CFI: variants seen among roughly 807,000 people sequenced by gnomAD.
The protein encoded by CFI is C3B/C4B inactivator.
A neutral mutation model predicts 78.8 loss-of-function variants in CFI; 66 were observed. The ratio of observed to expected loss-of-function variants is 0.84; its 90% confidence interval spans 0.69 to 1.03. The LOEUF is 1.03. Among genes scored for constraint, CFI ranks in the 50% least tolerant of loss-of-function variants. The pLI is 0.00. For synonymous variants in CFI, 250 were observed against 232.6 expected, an observed-to-expected ratio of 1.07 and a Z score of -0.68; for missense variants, 706 against 704.5, an observed-to-expected ratio of 1.00 and a Z score of -0.02.
At chr4:109,764,085 AAAACTAT>A (rs1727417395) in intron 3 of CFI, among the ~76,000 whole-genome samples, 1 of 149,886 alleles carries the variant, frequency 6.7e-6, no homozygotes, top group South Asian at 2.1e-4. Flanking sequence ...ACTATACTAT[AAAACTAT>A]AAACTATAAT....
chr4:109,740,635 G>A (rs993186855), downstream of CFI: 7 of 472,030 alleles, frequency 1.5e-5, no homozygotes, highest in Non-Finnish European at 2.3e-5. Context: ...TGTAACTTCA[G>A]TCAATAAATC....
intron 8 of CFI, among the ~76,000 whole-genome samples, chr4:109,751,350 T>C (rs1406763069): frequency 6.6e-6 from 1 of 151,888 alleles, no homozygotes; most frequent in African/African-American, 2.4e-5. Context: ...TTAGGTAGTA[T>C]CTGAAAATGA....
intron 1 of CFI, among the ~76,000 whole-genome samples, chr4:109,796,049 C>T (rs1458769836): frequency 6.6e-6 from 1 of 152,092 alleles, no homozygotes; most frequent in Admixed American, 6.5e-5. Context: ...TAGACTGAGA[C>T]ACATTATAAT....
In CFI at chr4:109,791,927, G is replaced by C. The variant is rs140522672; in HGVS notation, c.57+9988C>G. Among the ~76,000 whole-genome samples, 565 of 152,150 alleles carry C rather than the reference G, an allele frequency of 3.7e-3. 3 individuals are homozygous for C. Among genetic ancestry groups the C allele is most frequent in the Non-Finnish European group, 5.3e-3 (360 of 67,996 alleles). ...CCTTGTGATTTCTTCTTTGACCATTGGTTGCTTAAGAATATGTTGTTTAAT... is the reference window on the plus strand; with the variant it reads ...CCTTGTGATTTCTTCTTTGACCATTCGTTGCTTAAGAATATGTTGTTTAAT... On this transcript the variant is annotated intron_variant, in intron 1 of 12. Transcript: ENST00000394634.
intron 1 of CFI, among the ~76,000 whole-genome samples, chr4:109,775,824 C>T (rs940344488): frequency 3.9e-5 from 6 of 152,088 alleles, no homozygotes; most frequent in Non-Finnish European, 7.4e-5. Context: ...ATTTGCTGTT[C>T]TGAAATATTT....
chr4:109,753,543 T>TAA (rs1725637267), intron 7 of CFI, among the ~76,000 whole-genome samples: 2 of 20,950 alleles, frequency 9.5e-5, no homozygotes, highest in African/African-American at 2.7e-4. Flanking sequence ...ATATTTATAA[T>TAA]ATATTTATTA....
intron 11 of CFI, 147 bp from the exon 12 acceptor site, chr4:109,742,742 A>G: frequency 1.6e-6 from 1 of 626,708 alleles, no homozygotes; most frequent in South Asian, 1.9e-5. Context: ...AGCGTGTTTA[A>G]TCATATCATA....
At chr4:109,758,020 T>A (rs1726544218) in intron 6 of CFI, 1 of 1,232,100 alleles carries the variant, frequency 8.1e-7, no homozygotes. Context: ...GAATAAAATA[T>A]GCACAAATTA....
chr4:109,791,794 T>C (rs943834013), intron 1 of CFI, among the ~76,000 whole-genome samples: 1 of 152,102 alleles, frequency 6.6e-6, no homozygotes, highest in Non-Finnish European at 1.5e-5. Flanking sequence ...TTTTTTAATG[T>C]AGGCATTTAC....
intron 11 of CFI, among the ~76,000 whole-genome samples, chr4:109,743,727 C>T (rs955250811): frequency 1.4e-4 from 22 of 152,238 alleles, no homozygotes; most frequent in African/African-American, 5.1e-4. Context: ...CTAGATCAGG[C>T]TGGGCACAGT....
chr4:109,784,833 A>G (rs1422834444), intron 1 of CFI, among the ~76,000 whole-genome samples: 2 of 152,046 alleles, frequency 1.3e-5, no homozygotes, highest in Admixed American at 6.6e-5. Flanking sequence ...TCTGAGCCCA[A>G]GCTAAGCCAT....
intron 1 of CFI, among the ~76,000 whole-genome samples, chr4:109,777,982 A>G (rs1247096325): frequency 1.3e-5 from 2 of 152,226 alleles, no homozygotes; most frequent in Non-Finnish European, 2.9e-5. Flanking sequence ...CATTTAAAGC[A>G]GTGTGTAGAG....
the CFI span, among the ~76,000 whole-genome samples, chr4:109,735,332 A>C: frequency 5.0e-4 from 76 of 152,322 alleles, 1 homozygote; most frequent in East Asian, 8.5e-3. Flanking sequence ...TCTTCTAGAA[A>C]CACCAAATGG....
At chr4:109,768,278 C>CA (rs59449659) in intron 1 of CFI, among the ~76,000 whole-genome samples, 4,661 of 87,004 alleles carry the variant, frequency 0.054, 273 homozygotes, top group East Asian at 0.16. Flanking sequence ...ACTTAAAGTA[C>CA]AAAAAAAAAA....
At chr4:109,752,930 TTATATA>T (rs1725328308) in intron 7 of CFI, among the ~76,000 whole-genome samples, 1 of 106,960 alleles carries the variant, frequency 9.3e-6, no homozygotes, top group Admixed American at 1.4e-4. Flanking sequence ...TATATATTTA[TTATATA>T]AATAAATATT....
Position 109,761,641 on chromosome 4 carries a change from G to A in CFI, c.534C>T (p.Ser178=), listed in dbSNP as rs370705698. 6 of 1,613,556 alleles carry A rather than the reference G, an allele frequency of 3.7e-6. No individual in the cohort carries two copies. In the African/African-American group the frequency reaches 8.0e-5, roughly 22 times the overall value. Residue 178 remains serine (S), a synonymous_variant, in exon 4 of 13, where the codon TCC becomes TCT. Transcript: ENST00000394634. The stretch of plus-strand genomic sequence containing the variant: ...GGCAATGCACATGTAGACATTCAGT[G>A]GAATTTATAGAGAGATCAGACAACT... ...RFKLSDLSIN[S]TECLHVHCRG...
chr4:109,783,348 C>A (rs1052784041), intron 1 of CFI, among the ~76,000 whole-genome samples: 1 of 151,898 alleles, frequency 6.6e-6, no homozygotes, highest in Non-Finnish European at 1.5e-5. Context: ...ACAATCCCAT[C>A]AAAAAATGGG....
At chr4:109,740,693 T>A (rs1408847125), downstream of CFI, 1 of 645,356 alleles carries the variant, frequency 1.5e-6, no homozygotes, top group Admixed American at 2.5e-5. Context: ...AAATAAAACT[T>A]GTATGCTTCA....
At chr4:109,772,394 C>T (rs969559634) in intron 1 of CFI, among the ~76,000 whole-genome samples, 1 of 152,210 alleles carries the variant, frequency 6.6e-6, no homozygotes, top group Non-Finnish European at 1.5e-5. Flanking sequence ...GAGTATGCCT[C>T]ATATGTCTAT....
Sources: gnomAD v4.1 joint callset for allele counts (sites outside exome capture counted in the v4.1 genomes callset) on GRCh38, gnomAD v4.1.1 for gene constraint, MANE v1.5 for transcripts, NCBI Gene and HGNC (gene_info 2026-07-23, HGNC 2026-07-21) for gene names.